Variants in ROBO1 observed in about 807,000 individuals in gnomAD.
The protein encoded by ROBO1 is roundabout homolog 1.
ROBO1 carries 149 observed loss-of-function variants against 195.9 expected under a neutral mutation model. The ratio of observed to expected loss-of-function variants is 0.76; its 90% CI spans 0.67 to 0.87. ROBO1 has a LOEUF of 0.87. Ranked by LOEUF, ROBO1 falls within the 40% of genes least tolerant of loss-of-function variation. ROBO1 has a pLI of 0.00. For synonymous variants in ROBO1, 816 were observed against 733.2 expected (o/e 1.11, Z -1.82); for missense variants, 1,933 against 2,068.3 (o/e 0.93, Z 1.27).
chr3:79,427,620 A>G (rs546819678), intron 2 of ROBO1, among the ~76,000 whole-genome samples: 12 of 152,272 alleles, frequency 7.9e-5, no homozygotes, highest in African/African-American at 2.9e-4. Flanking sequence ...AGAATAGAGA[A>G]CCCTGAAATA....
intron 1 of ROBO1, among the ~76,000 whole-genome samples, chr3:79,750,967 G>T (rs571935254): frequency 1.3e-5 from 2 of 152,154 alleles, no homozygotes; most frequent in Non-Finnish European, 2.9e-5. Flanking sequence ...AATATACTTG[G>T]TTGTTCTAAA....
At chr3:79,683,796 CT>C (rs2107000036) in intron 1 of ROBO1, among the ~76,000 whole-genome samples, 1 of 152,010 alleles carries the variant, frequency 6.6e-6, no homozygotes, top group South Asian at 2.1e-4. Context: ...TTTTTTTTGA[CT>C]GAATAATATT....
At chr3:79,324,982 T>C (rs1259778833) in intron 2 of ROBO1, among the ~76,000 whole-genome samples, 1 of 152,172 alleles carries the variant, frequency 6.6e-6, no homozygotes, top group African/African-American at 2.4e-5. Flanking sequence ...ATGCAGAGCA[T>C]GGACAGAGTC....
chr3:79,509,568 T>C (rs1940592191), intron 2 of ROBO1, among the ~76,000 whole-genome samples: 1 of 152,136 alleles, frequency 6.6e-6, no homozygotes, highest in Non-Finnish European at 1.5e-5. Context: ...TGTGTCAATG[T>C]GTAGCTAAAT....
chr3:79,639,189 A>G (rs922004226), intron 1 of ROBO1, among the ~76,000 whole-genome samples: 2 of 152,192 alleles, frequency 1.3e-5, no homozygotes, highest in African/African-American at 4.8e-5. Context: ...AGAATACACC[A>G]TCACATGATA....
At chr3:78,973,276 C>T (rs1051367724) in intron 3 of ROBO1, among the ~76,000 whole-genome samples, 7 of 151,672 alleles carry the variant, frequency 4.6e-5, no homozygotes, top group African/African-American at 1.7e-4. Flanking sequence ...TTCTCCATTG[C>T]CTTCAAGGCT....
chr3:79,616,666 G>A (rs149046692), intron 1 of ROBO1, among the ~76,000 whole-genome samples: 4 of 152,236 alleles, frequency 2.6e-5, no homozygotes, highest in Non-Finnish European at 2.9e-5. Context: ...CAGGAGGCAC[G>A]AGTGGCTAGA....
chr3:79,161,618 T>C (rs1423082284), intron 2 of ROBO1, among the ~76,000 whole-genome samples: 1 of 152,174 alleles, frequency 6.6e-6, no homozygotes, highest in East Asian at 1.9e-4. Context: ...AAGTTGATTA[T>C]TGTTGCATTT....
chr3:78,661,268 A>C lies in ROBO1; in HGVS notation c.2089-7T>G. ...ACTGAGACTGTTGATCTACCTATTA[A>C]AAAGACAAGTAAAATGTAATTATTC... On this transcript the variant is annotated splice_polypyrimidine_tract_variant and splice_region_variant and intron_variant, in intron 15 of 30. Coordinates refer to ENST00000464233, the MANE Select transcript of ROBO1 (RefSeq NM_002941.4). 1.4e-6 allele frequency: 2 copies of C among 1,444,962 alleles called. No individual in the cohort carries two copies. Among genetic ancestry groups the C allele is most frequent in the South Asian group, 2.8e-5 (2 of 71,618 alleles). The allele number at this position is 1,444,962 out of a possible 1,614,324, so 89.5% of individuals were successfully genotyped here.
At chr3:79,138,974 C>A (rs1411424532) in intron 2 of ROBO1, among the ~76,000 whole-genome samples, 1 of 151,600 alleles carries the variant, frequency 6.6e-6, no homozygotes, top group Non-Finnish European at 1.5e-5. Context: ...ATTTTTGAAT[C>A]TCCAAAAGTG....
In ROBO1 at chr3:79,671,165, A is replaced by G. The variant is rs888775286; in HGVS notation, c.-50-81204T>C. On this transcript the variant is annotated intron_variant, in intron 1 of 30. Coordinates refer to ENST00000464233, the MANE Select transcript of ROBO1 (RefSeq NM_002941.4). Reference sequence around the variant, plus strand: ...AAGAGTTACCACCTGTAACATGCTCATTGGGTGACAAGCAATTAATTACAT... The same window carrying G: ...AAGAGTTACCACCTGTAACATGCTCGTTGGGTGACAAGCAATTAATTACAT... Among the ~76,000 whole-genome samples the G allele has an allele frequency of 2.2e-4, 33 of 151,868 alleles. 1 individual carries two copies. The highest frequency in any genetic ancestry group is 8.0e-4 in the African/African-American group (33 of 41,416).
intron 14 of ROBO1, among the ~76,000 whole-genome samples, chr3:78,663,268 T>C (rs911121146): frequency 6.6e-6 from 1 of 151,946 alleles, no homozygotes; most frequent in Non-Finnish European, 1.5e-5. Flanking sequence ...TCAAACACTC[T>C]TACATATTGT....
At chr3:78,849,496 G>A (rs72896439) in intron 4 of ROBO1, among the ~76,000 whole-genome samples, 4,247 of 152,110 alleles carry the variant, frequency 0.028, 147 homozygotes, top group African/African-American at 0.087. Context: ...CTTTGGGAGC[G>A]CACAAAGCAA....
chr3:79,003,518 A>G (rs955156259), intron 3 of ROBO1, among the ~76,000 whole-genome samples: 2 of 152,172 alleles, frequency 1.3e-5, no homozygotes, highest in Non-Finnish European at 2.9e-5. Context: ...AGTACTTTAC[A>G]TATGTCAACT....
intron 2 of ROBO1, among the ~76,000 whole-genome samples, chr3:79,150,074 T>C (rs551463838): frequency 6.6e-6 from 1 of 151,810 alleles, no homozygotes; most frequent in Admixed American, 6.6e-5. Flanking sequence ...GAGCCTCCAG[T>C]AATTTGTCAG....
At chr3:78,809,729 C>T (rs946035440) in intron 4 of ROBO1, among the ~76,000 whole-genome samples, 5 of 152,168 alleles carry the variant, frequency 3.3e-5, no homozygotes, top group African/African-American at 1.2e-4. Flanking sequence ...TCTCAGCAAA[C>T]TAACACAGAA....
At chr3:78,714,355 G>A (rs376169734) in intron 8 of ROBO1, 42 bp downstream of exon 8, 38 of 1,586,636 alleles carry the variant, frequency 2.4e-5, no homozygotes, top group African/African-American at 2.0e-4. Flanking sequence ...ACTATATTTT[G>A]TATGCTAAAA....
At chr3:79,056,582 T>G (rs1214729112) in intron 3 of ROBO1, among the ~76,000 whole-genome samples, 1 of 152,112 alleles carries the variant, frequency 6.6e-6, no homozygotes, top group Non-Finnish European at 1.5e-5. Context: ...GTAACATTAA[T>G]TATTTAAGAC....
At chr3:79,601,458 A>C (rs1429508674) in intron 1 of ROBO1, among the ~76,000 whole-genome samples, 1 of 152,016 alleles carries the variant, frequency 6.6e-6, no homozygotes, top group Non-Finnish European at 1.5e-5. Flanking sequence ...GAAAAGCTGG[A>C]GGTCATGAGA....
Sources: gnomAD v4.1 joint callset for allele counts (sites outside exome capture counted in the v4.1 genomes callset) on GRCh38, gnomAD v4.1.1 for gene constraint, MANE v1.5 for transcripts, NCBI Gene and HGNC (gene_info 2026-07-23, HGNC 2026-07-21) for gene names.